PCDH11X: variants seen among roughly 807,000 people sequenced by gnomAD.
PCDH11X encodes the protein protocadherin-11 X-linked.
A neutral mutation model predicts 53.3 loss-of-function variants in PCDH11X; 18 were observed. That is an observed-to-expected ratio of 0.34 (90% CI 0.23 to 0.50). The LOEUF (loss-of-function observed/expected upper bound fraction) is 0.50. Among genes scored for constraint, PCDH11X ranks in the 20% least tolerant of loss-of-function variants. The pLI is 0.98. For missense variants in PCDH11X, 570 were observed against 1,032.4 expected (o/e 0.55, Z 6.14); for synonymous variants, 279 against 393.3 (o/e 0.71, Z 3.44).
chrX:92,062,876 A>G (rs1046316026), intron 6 of PCDH11X, among the ~76,000 whole-genome samples: 1 of 111,607 alleles, frequency 9.0e-6, no homozygotes, highest in African/African-American at 3.3e-5. Flanking sequence ...AAATCATTCT[A>G]CTAAAAAGAC....
At chrX:92,434,804 A>G (rs926176121) in intron 9 of PCDH11X, among the ~76,000 whole-genome samples, 2 of 110,214 alleles carry the variant, frequency 1.8e-5, no homozygotes, top group Non-Finnish European at 3.8e-5. Flanking sequence ...TCACAGTTCC[A>G]CATGGCTGGG....
At chrX:92,187,530 G>A (rs781134808) in intron 6 of PCDH11X, among the ~76,000 whole-genome samples, 5 of 111,295 alleles carry the variant, frequency 4.5e-5, no homozygotes, top group Admixed American at 1.9e-4. Context: ...AATTTTAAAT[G>A]GAATGAATTT....
At chrX:92,353,033 T>C (rs1447202588) in intron 8 of PCDH11X, among the ~76,000 whole-genome samples, 1 of 111,843 alleles carries the variant, frequency 8.9e-6, no homozygotes, top group Non-Finnish European at 1.9e-5. Flanking sequence ...CTGCCTTCTA[T>C]CTACCATTTT....
At chrX:92,489,777 A>G (rs2073721437) in intron 10 of PCDH11X, among the ~76,000 whole-genome samples, 1 of 105,265 alleles carries the variant, frequency 9.5e-6, no homozygotes, top group South Asian at 4.0e-4. Context: ...ATTTTTATAT[A>G]TACACATATA....
In PCDH11X at chrX:91,878,923, G is replaced by A; in HGVS notation, c.2683G>A (p.Asp895Asn). Residue 895 changes from aspartate (D) to asparagine (N), a missense_variant, in exon 6 of 11, where the codon GAT (aspartate) becomes AAT (asparagine). By Grantham distance (23) the Asp-to-Asn change is conservative. Transcript: ENST00000682573. Reference protein sequence around the residue: ...FVTIEETKADDVDSDGNRVTL... With the variant: ...FVTIEETKADNVDSDGNRVTL... ...CACTATTGAAGAAACTAAGGCAGAT[G>A]ATGTTGACAGTGATGGAAACAGAGT... 8.3e-7 allele frequency: 1 copy of A among 1,211,698 alleles called. No individual in the cohort carries two copies. The highest frequency in any genetic ancestry group is 1.8e-5 in the South Asian group (1 of 56,967).
At chrX:92,302,858 C>T (rs752339514) in intron 8 of PCDH11X, among the ~76,000 whole-genome samples, 2 of 110,377 alleles carry the variant, frequency 1.8e-5, no homozygotes, top group Admixed American at 9.7e-5. Context: ...AGAATGAATT[C>T]AAGGGAAATA....
intron 10 of PCDH11X, among the ~76,000 whole-genome samples, chrX:92,489,416 A>G (rs2073711963): frequency 9.0e-6 from 1 of 111,012 alleles, no homozygotes; most frequent in South Asian, 3.8e-4. Flanking sequence ...ACATACACCT[A>G]TAAACTCGGG....
intron 7 of PCDH11X, among the ~76,000 whole-genome samples, chrX:92,233,947 A>AT (rs765499010): frequency 1.8e-5 from 2 of 112,163 alleles, no homozygotes; most frequent in Non-Finnish European, 3.8e-5. Context: ...AGTGATTTCA[A>AT]TTTTTTCTGT....
At chrX:92,364,206 C>A (rs2070410447) in intron 8 of PCDH11X, among the ~76,000 whole-genome samples, 1 of 111,141 alleles carries the variant, frequency 9.0e-6, no homozygotes, top group African/African-American at 3.3e-5. Context: ...CTGAGAAATG[C>A]CTTGTTAGGG....
chrX:91,885,873 T>A (rs1178590043), intron 6 of PCDH11X, among the ~76,000 whole-genome samples: 1 of 112,126 alleles, frequency 8.9e-6, no homozygotes, highest in Non-Finnish European at 1.9e-5. Context: ...ACTTCTAAAC[T>A]GACTTCTGCT....
chrX:91,854,567 G>A (rs1360188673), intron 5 of PCDH11X, among the ~76,000 whole-genome samples: 1 of 112,032 alleles, frequency 8.9e-6, no homozygotes, highest in Non-Finnish European at 1.9e-5. Flanking sequence ...AGTTTTTTGA[G>A]GAACCTCCAA....
At chrX:92,463,391 G>T (rs2073094582) in intron 9 of PCDH11X, among the ~76,000 whole-genome samples, 1 of 110,023 alleles carries the variant, frequency 9.1e-6, no homozygotes, top group African/African-American at 3.3e-5. Flanking sequence ...GATACTCCCT[G>T]CAATAAAAGT....
chrX:92,296,305 G>A (rs1356745211), intron 8 of PCDH11X, among the ~76,000 whole-genome samples: 2 of 110,236 alleles, frequency 1.8e-5, no homozygotes, highest in South Asian at 4.0e-4. Flanking sequence ...CAGATAAATT[G>A]CATGTGACAG....
At chrX:92,572,877 C>G (rs1922371236) in intron 10 of PCDH11X, among the ~76,000 whole-genome samples, 1 of 105,642 alleles carries the variant, frequency 9.5e-6, no homozygotes, top group Admixed American at 1.0e-4. Flanking sequence ...GAGTGACACT[C>G]CATCTCAAAA....
At chrX:91,823,233 G>A (rs1292022828) in intron 4 of PCDH11X, among the ~76,000 whole-genome samples, 2 of 110,744 alleles carry the variant, frequency 1.8e-5, no homozygotes, top group Non-Finnish European at 3.8e-5. Flanking sequence ...TATCCTTGTT[G>A]ACTTTCTGTC....
chrX:91,921,154 G>C (rs1287171630), intron 6 of PCDH11X, among the ~76,000 whole-genome samples: 3 of 110,873 alleles, frequency 2.7e-5, no homozygotes, highest in Non-Finnish European at 5.7e-5. Context: ...TTTTAAACTA[G>C]ACTTTATTTT....
chrX:92,003,695 G>A (rs2062550243), intron 6 of PCDH11X, among the ~76,000 whole-genome samples: 1 of 99,404 alleles, frequency 1.0e-5, no homozygotes, highest in South Asian at 5.2e-4. Flanking sequence ...GCTCATAGTA[G>A]TCACTAACGA....
chrX:92,322,970 A>G (rs1420767106), intron 8 of PCDH11X, among the ~76,000 whole-genome samples: 1 of 111,857 alleles, frequency 8.9e-6, no homozygotes, highest in Non-Finnish European at 1.9e-5. Context: ...ACAGGGAAAG[A>G]CCAATAACTT....
At chrX:91,866,498 C>G (rs979137244) in intron 5 of PCDH11X, among the ~76,000 whole-genome samples, 28 of 111,179 alleles carry the variant, frequency 2.5e-4, no homozygotes, top group Non-Finnish European at 4.7e-4. Context: ...TCTGGTATTT[C>G]TTTCTGCTCT....
Sources: allele counts gnomAD v4.1 joint callset (sites outside exome capture counted in the v4.1 genomes callset), GRCh38; gene constraint gnomAD v4.1.1; transcripts MANE v1.5; gene names NCBI Gene and HGNC (gene_info 2026-07-23, HGNC 2026-07-21).